AATF: variants seen among roughly 807,000 people sequenced by gnomAD.
AATF encodes the protein protein AATF.
Under a neutral mutation model 63.7 loss-of-function variants are expected in AATF, and 48 were observed. The observed-to-expected ratio is 0.75, with a 90% CI of 0.60 to 0.96. The LOEUF (loss-of-function observed/expected upper bound fraction) is 0.96. Among genes scored for constraint, AATF ranks in the 40% least tolerant of loss-of-function variants. The pLI is 0.00. For missense variants in AATF, 639 were observed against 685.7 expected (o/e 0.93, Z 0.76); for synonymous variants, 258 against 247.7 (o/e 1.04, Z -0.39).
chr17:37,000,389 A>C (rs901760832), intron 8 of AATF, among the ~76,000 whole-genome samples: 1 of 152,196 alleles, frequency 6.6e-6, no homozygotes, highest in African/African-American at 2.4e-5. Context: ...GAGAGAAGCT[A>C]GTTTGGAAGA....
chr17:36,999,423 T>G (rs1459129215), intron 8 of AATF, among the ~76,000 whole-genome samples: 1 of 152,208 alleles, frequency 6.6e-6, no homozygotes, highest in Non-Finnish European at 1.5e-5. Flanking sequence ...TAGTATAAAA[T>G]AAATGGTTCA....
At chr17:36,955,522 G>A (rs1251475938) in intron 4 of AATF, among the ~76,000 whole-genome samples, 1 of 152,056 alleles carries the variant, frequency 6.6e-6, no homozygotes, top group African/African-American at 2.4e-5. Flanking sequence ...GAGATTTTTG[G>A]AGCACTTCTC....
At chr17:36,994,081 T>TA (rs2071236337) in intron 8 of AATF, among the ~76,000 whole-genome samples, 1 of 152,194 alleles carries the variant, frequency 6.6e-6, no homozygotes, top group African/African-American at 2.4e-5. Context: ...ATATCATAAA[T>TA]AATCTTATCA....
intron 8 of AATF, among the ~76,000 whole-genome samples, chr17:37,002,604 G>A (rs1287717456): frequency 2.6e-5 from 4 of 151,542 alleles, no homozygotes; most frequent in African/African-American, 7.3e-5. Flanking sequence ...CCCAGGAGGC[G>A]GAGCTTGCAG....
chr17:36,966,975 C>T lies in AATF; in HGVS notation c.832+13068C>T, dbSNP rs560731337. ...AATTCTAGGAAGCTTGTTATGAAAACCAGTAGTCTGCTGCTTGGGTGTATC... is the reference window on the plus strand; with the variant it reads ...AATTCTAGGAAGCTTGTTATGAAAATCAGTAGTCTGCTGCTTGGGTGTATC... On this transcript the variant is annotated intron_variant, in intron 4 of 11. Coordinates refer to ENST00000619387, the MANE Select transcript of AATF (RefSeq NM_012138.4). Among the ~76,000 whole-genome samples the T allele has an allele frequency of 2.0e-4, 31 of 152,294 alleles. 1 individual carries two copies. The highest frequency in any genetic ancestry group is 7.2e-4 in the African/African-American group (30 of 41,556).
intron 11 of AATF, chr17:37,045,478 T>C (rs1426492547): frequency 1.3e-5 from 2 of 152,278 alleles, no homozygotes; most frequent in Non-Finnish European, 2.9e-5. Context: ...CCGTTCCCCT[T>C]TCTGCTTCTC....
intron 2 of AATF, 48 bp downstream of exon 2, chr17:36,950,453 A>G (rs988077375): frequency 3.8e-6 from 6 of 1,563,448 alleles, no homozygotes; most frequent in African/African-American, 1.4e-5. Context: ...TAATTTTTTC[A>G]GGGTTAAAAT....
intron 11 of AATF, chr17:37,045,577 C>T (rs1031791376): frequency 3.3e-5 from 5 of 152,240 alleles, no homozygotes; most frequent in Admixed American, 1.3e-4. Context: ...GCTTTGTCCT[C>T]CCCTATAAGA....
chr17:37,026,555 T>C (rs1473851658), intron 10 of AATF, among the ~76,000 whole-genome samples: 1 of 152,228 alleles, frequency 6.6e-6, no homozygotes, highest in Non-Finnish European at 1.5e-5. Context: ...CCTTGAGACT[T>C]TGAACAAATT....
chr17:36,985,439 T>A (rs1030149755), intron 4 of AATF, among the ~76,000 whole-genome samples: 12 of 148,250 alleles, frequency 8.1e-5, no homozygotes, highest in African/African-American at 2.8e-4. Flanking sequence ...CATGCCTGGC[T>A]AAATTTTTTT....
intron 4 of AATF, among the ~76,000 whole-genome samples, chr17:36,967,328 C>G (rs992334812): frequency 1.3e-5 from 2 of 152,172 alleles, no homozygotes; most frequent in Non-Finnish European, 2.9e-5. Flanking sequence ...AATAAATACA[C>G]TATGATTATT....
At chr17:37,038,567 A>G (rs2071611264) in intron 11 of AATF, among the ~76,000 whole-genome samples, 2 of 152,196 alleles carry the variant, frequency 1.3e-5, no homozygotes, top group Non-Finnish European at 2.9e-5. Flanking sequence ...GATAGATTTG[A>G]TGCTGGTACT....
chr17:36,985,153 C>G (rs1038223509), intron 4 of AATF, among the ~76,000 whole-genome samples: 4 of 152,236 alleles, frequency 2.6e-5, no homozygotes, highest in African/African-American at 9.6e-5. Context: ...CCACCCGCCT[C>G]CGCCTCCCAA....
chr17:37,011,419 T>G (rs1244632867), intron 8 of AATF, among the ~76,000 whole-genome samples: 1 of 152,148 alleles, frequency 6.6e-6, no homozygotes, highest in African/African-American at 2.4e-5. Context: ...GATAGTAGCC[T>G]GTACTGGGTG....
chr17:36,967,481 A>G (rs914791279), intron 4 of AATF, among the ~76,000 whole-genome samples: 1 of 152,180 alleles, frequency 6.6e-6, no homozygotes, highest in African/African-American at 2.4e-5. Context: ...ATATTGTGCC[A>G]GTTGATGTTC....
intron 3 of AATF, 69 bp from the exon 4 acceptor site, chr17:36,953,701 C>A: frequency 6.7e-7 from 1 of 1,503,248 alleles, no homozygotes; most frequent in South Asian, 1.2e-5. Context: ...CTGTTCTTCC[C>A]CACCCCTGCC....
At chr17:37,035,134 A>G (rs2142305558) in intron 11 of AATF, among the ~76,000 whole-genome samples, 1 of 152,004 alleles carries the variant, frequency 6.6e-6, no homozygotes, top group African/African-American at 2.4e-5. Flanking sequence ...AAAAAAAAAA[A>G]TCAAAAAAGA....
At chr17:36,968,519 A>G (rs2071013744) in intron 4 of AATF, among the ~76,000 whole-genome samples, 1 of 151,348 alleles carries the variant, frequency 6.6e-6, no homozygotes, top group African/African-American at 2.4e-5. Flanking sequence ...TAGGTGATCT[A>G]CCTGCCTTGA....
intron 4 of AATF, among the ~76,000 whole-genome samples, chr17:36,980,621 G>T (rs1011309215): frequency 6.6e-5 from 10 of 151,618 alleles, no homozygotes; most frequent in Middle Eastern, 6.8e-3. Context: ...ATAGAGAGTG[G>T]TTTTTTTTTA....
Sources: allele counts gnomAD v4.1 joint callset (sites outside exome capture counted in the v4.1 genomes callset), GRCh38; gene constraint gnomAD v4.1.1; transcripts MANE v1.5; gene names NCBI Gene and HGNC (gene_info 2026-07-23, HGNC 2026-07-21).